CARHSP1: variants seen among roughly 807,000 people sequenced by gnomAD.
CARHSP1 encodes the protein calcium regulated heat stable protein 1, also known as calcium-regulated heat-stable protein 1.
A neutral mutation model predicts 12.5 loss-of-function variants in CARHSP1; 14 were observed. The ratio of observed to expected loss-of-function variants is 1.12; its 90% CI spans 0.74 to 1.75. The LOEUF (loss-of-function observed/expected upper bound fraction) is 1.75, where lower values mean the gene tolerates loss of function less well. Ranked by LOEUF, CARHSP1 falls within the 40% of genes most tolerant of loss-of-function variation. The pLI is 0.00. For synonymous variants in CARHSP1, 161 were observed against 82.0 expected, an observed-to-expected ratio of 1.96 and a Z score of -5.20; for missense variants, 343 against 201.6, an observed-to-expected ratio of 1.70 and a Z score of -4.25.
intron 3 of CARHSP1, among the ~76,000 whole-genome samples, chr16:8,855,711 C>A (rs771793498): frequency 6.6e-6 from 1 of 152,160 alleles, no homozygotes; most frequent in African/African-American, 2.4e-5. Context: ...AGTGAGAATC[C>A]GAGTTGAGGG....
At chr16:8,865,249 A>G (rs142344733) in intron 1 of CARHSP1, among the ~76,000 whole-genome samples, 269 of 152,264 alleles carry the variant, frequency 1.8e-3, no homozygotes, top group African/African-American at 6.0e-3. Flanking sequence ...AGCTGGGACT[A>G]CAGGCATGTA....
chr16:8,856,858 G>C (rs1005980446), intron 3 of CARHSP1, among the ~76,000 whole-genome samples: 1 of 152,116 alleles, frequency 6.6e-6, no homozygotes, highest in Non-Finnish European at 1.5e-5. Flanking sequence ...ATGGGGGGCT[G>C]GGTGCCTTCC....
Position 8,855,304 on chromosome 16 carries a change from C to T in CARHSP1, c.304G>A (p.Val102Met). 1.2e-6 allele frequency: 2 copies of T among 1,607,408 alleles called. No individual in the cohort carries two copies. Among genetic ancestry groups the T allele is most frequent in the South Asian group, 1.1e-5 (1 of 90,148 alleles). The change falls in exon 4 of 4, where the codon GTG becomes ATG. Residue 102 changes from valine (V) to methionine (M), a missense_variant. Physicochemically the swap from Val to Met is conservative, Grantham distance 21. Coordinates refer to ENST00000311052, the MANE Select transcript of CARHSP1 (RefSeq NM_014316.4). ...ISDVEGEYVP[V>M]EGDEVTYKMC... ...TTATAGGTGACCTCGTCGCCTTCCACTGGGACATACTCCCCTTCCACACTA... is the reference window on the plus strand; with the variant it reads ...TTATAGGTGACCTCGTCGCCTTCCATTGGGACATACTCCCCTTCCACACTA...
At chr16:8,863,137 T>C (rs2437705) in intron 1 of CARHSP1, among the ~76,000 whole-genome samples, 5,469 of 126,042 alleles carry the variant, frequency 0.043, 174 homozygotes, top group Admixed American at 0.11. Flanking sequence ...TTTTTTTTTT[T>C]CAGATAGGAT....
intron 3 of CARHSP1, 143 bp from the exon 4 acceptor site, chr16:8,855,469 C>G (rs976299620): frequency 3.0e-6 from 2 of 663,208 alleles, no homozygotes; most frequent in Admixed American, 3.8e-5. Context: ...CAAAGAACTG[C>G]CCCTCCACCA....
At chr16:8,868,277 G>A (rs998141157) in intron 1 of CARHSP1, 2 of 152,146 alleles carry the variant, frequency 1.3e-5, no homozygotes, top group Non-Finnish European at 2.9e-5. Context: ...AGGGCCGGAG[G>A]CTTCCTTTTT....
At chr16:8,859,360 G>A (rs780736913) in intron 1 of CARHSP1, 25 bp from the exon 2 acceptor site, 3 of 1,587,468 alleles carry the variant, frequency 1.9e-6, no homozygotes, top group East Asian at 4.5e-5. Context: ...GGCTGTCAGG[G>A]GCTCGTGCCT....
At position 8,854,990 on chromosome 16, in the gene CARHSP1, A is replaced by AACACCCC. The variant is rs528444961; in HGVS notation, c.*167_*173dup. On this transcript the variant is annotated 3_prime_UTR_variant, in exon 4 of 4. Transcript: ENST00000311052. ...GTCATAGGCTGTGCTGATGGCCGGG[A>AACACCCC]ACACCCCACACCCCACACCTGCCCC... 3.7e-3 allele frequency: 1,840 copies of AACACCCC among 494,654 alleles called. 13 individuals carry two copies. Among genetic ancestry groups the AACACCCC allele is most frequent in the Non-Finnish European group, 4.9e-3 (1,396 of 282,328 alleles). The allele number at this position is 494,654 out of a possible 1,614,324, so 30.6% of individuals were successfully genotyped here.
Position 8,855,085 on chromosome 16 carries a change from A to AATGTCATCTCCAGTGTCTG in CARHSP1, c.*60_*78dup. The AATGTCATCTCCAGTGTCTG allele has an allele frequency of 7.7e-7, 1 of 1,292,082 alleles. No individual in the cohort carries two copies. The highest frequency in any genetic ancestry group is 1.0e-6 in the Non-Finnish European group (1 of 963,274). The allele number at this position is 1,292,082 out of a possible 1,614,324, so 80.0% of individuals were successfully genotyped here. Reference sequence around the variant, plus strand: ...GCTGAAGCCCCGTCTCGTGTGGAAGAATGTCATCTCCAGTGTCTGCTGCCT... The same window carrying AATGTCATCTCCAGTGTCTG: ...GCTGAAGCCCCGTCTCGTGTGGAAGAATGTCATCTCCAGTGTCTGATGTCATCTCCAGTGTCTGCTGCCT... On this transcript the variant is annotated 3_prime_UTR_variant, in exon 4 of 4. Transcript: ENST00000311052.
At chr16:8,861,583 G>A (rs1192101465) in intron 1 of CARHSP1, 4 of 1,275,358 alleles carry the variant, frequency 3.1e-6, no homozygotes, top group Admixed American at 2.3e-5. Context: ...CCCAGACATT[G>A]CTGCACTCTC....
intron 1 of CARHSP1, among the ~76,000 whole-genome samples, chr16:8,861,989 C>CTTTTTTTTTTTTTTTTTTTTTTTTTT (rs537614451): frequency 2.5e-5 from 2 of 79,806 alleles, no homozygotes; most frequent in Admixed American, 2.8e-4. Context: ...GCATAGCTGA[C>CTTTTTTTTTTTTTTTTTTTTTTTTTT]TTTTTTTTTT....
chr16:8,866,873 T>C (rs2061464419), intron 1 of CARHSP1, among the ~76,000 whole-genome samples: 1 of 152,042 alleles, frequency 6.6e-6, no homozygotes, highest in Non-Finnish European at 1.5e-5. Flanking sequence ...GGCGCCTACG[T>C]CTGCCCAGAG....
intron 1 of CARHSP1, among the ~76,000 whole-genome samples, chr16:8,861,025 G>A (rs1160897874): frequency 6.7e-6 from 1 of 148,420 alleles, no homozygotes; most frequent in African/African-American, 2.5e-5. Context: ...ACTCCAGCCT[G>A]GGTGACAGAG....
rs774181969 is a variant in CARHSP1 at position 8,859,371 on chromosome 16, T to G, written c.-7-36A>C. On this transcript the variant is annotated intron_variant, in intron 1 of 3. Transcript: ENST00000311052. The stretch of plus-strand genomic sequence containing the variant: ...AAGAGGCTGTCAGGGGCTCGTGCCT[T>G]GCAAGGTAGGGACCCTGTGCTTACC... 16 of 1,574,650 alleles carry G rather than the reference T, an allele frequency of 1.0e-5. No homozygotes were observed. In the African/African-American group the frequency reaches 2.0e-4, roughly 20 times the overall value.
chr16:8,859,395 C>G, intron 1 of CARHSP1, 60 bp from the exon 2 acceptor site: 1 of 1,456,590 alleles, frequency 6.9e-7, no homozygotes, highest in East Asian at 2.4e-5. Flanking sequence ...CCTGTGCTTA[C>G]CCCCATGTCC....
rs1238446570 is a variant in CARHSP1 at position 8,854,723 on chromosome 16, T to A, written c.*441A>T. On this transcript the variant is annotated 3_prime_UTR_variant, in exon 4 of 4. Transcript: ENST00000311052. ...GGGGCACTTAGGTGGAAATTTGCCT[T>A]GGAGAAGTCACGCAAGGTCCCTGTC... 6.5e-6 allele frequency: 1 copy of A among 154,542 alleles called. No homozygotes were observed. Among genetic ancestry groups the A allele is most frequent in the Non-Finnish European group, 1.4e-5 (1 of 69,444 alleles). The allele number at this position is 154,542 out of a possible 1,614,324, so 9.6% of individuals were successfully genotyped here. A position where few individuals can be genotyped will look rare whatever the true frequency, so the allele number is the denominator to read the frequency against.
intron 1 of CARHSP1, among the ~76,000 whole-genome samples, chr16:8,860,934 C>A (rs896173042): frequency 3.3e-5 from 5 of 151,422 alleles, no homozygotes; most frequent in African/African-American, 1.2e-4. Context: ...CCTGTAATCC[C>A]AGCTACTCGG....
chr16:8,859,457 CAT>C, intron 1 of CARHSP1, 122 bp from the exon 2 acceptor site: 1 of 862,782 alleles, frequency 1.2e-6, no homozygotes. Context: ...ACCTCAGCAC[CAT>C]TGTCACCTTG....
intron 1 of CARHSP1, chr16:8,860,620 G>A (rs2061323423): frequency 4.2e-6 from 2 of 472,492 alleles, no homozygotes; most frequent in Non-Finnish European, 5.5e-6. Flanking sequence ...ACCTGCGCAG[G>A]GCTGGTGATG....
Sources: allele counts gnomAD v4.1 joint callset (sites outside exome capture counted in the v4.1 genomes callset), GRCh38; gene constraint gnomAD v4.1.1; transcripts MANE v1.5; gene names NCBI Gene and HGNC (gene_info 2026-07-23, HGNC 2026-07-21).